The following CACNA1G variants were observed in gnomAD, a reference collection of about 807,000 sequenced individuals.
The protein encoded by CACNA1G is voltage-dependent T-type calcium channel subunit alpha-1G.
CACNA1G carries 67 observed loss-of-function variants against 219.4 expected under a neutral mutation model. The ratio of observed to expected loss-of-function variants is 0.31; its 90% confidence interval spans 0.25 to 0.37. The LOEUF (loss-of-function observed/expected upper bound fraction) is 0.37, where lower values mean the gene tolerates loss of function less well. Among genes scored for constraint, CACNA1G ranks in the 10% least tolerant of loss-of-function variants. The pLI, the probability that CACNA1G is intolerant of heterozygous loss-of-function variation, is 1.00. For synonymous variants in CACNA1G, 1,296 were observed against 1,345.3 expected, an observed-to-expected ratio of 0.96 and a Z score of 0.80; for missense variants, 2,380 against 3,231.4, an observed-to-expected ratio of 0.74 and a Z score of 6.39.
intron 26 of CACNA1G, 29 bp downstream of exon 26, chr17:50,609,964 G>A (rs375808858): frequency 3.6e-5 from 58 of 1,595,522 alleles, no homozygotes; most frequent in Non-Finnish European, 4.3e-5. Flanking sequence ...GGGCTCATGC[G>A]TGTGGGGACA....
At chr17:50,589,890 A>G (rs1265606027) in intron 9 of CACNA1G, among the ~76,000 whole-genome samples, 1 of 87,056 alleles carries the variant, frequency 1.1e-5, no homozygotes, top group African/African-American at 6.1e-5. Context: ...GAATGCGTGC[A>G]TTTTTCTCTC....
chr17:50,589,443 G>A (rs541400296), intron 9 of CACNA1G, among the ~76,000 whole-genome samples: 8 of 152,156 alleles, frequency 5.3e-5, no homozygotes, highest in East Asian at 1.9e-4. Context: ...TTATTCAGCC[G>A]TTTTGTGTGT....
Position 50,596,786 on chromosome 17 carries a change from A to G in CACNA1G, c.3121A>G (p.Ile1041Val), listed in dbSNP as rs773040639. Reference protein sequence around the residue: ...LRKSLLPPLIIHTAATPMSLP... With the variant: ...LRKSLLPPLIVHTAATPMSLP... ...GAAGAGCCTGCTGCCGCCTCTCATCATCCACACGGCCGCCACACCCATGTC... is the reference window on the plus strand; with the variant it reads ...GAAGAGCCTGCTGCCGCCTCTCATCGTCCACACGGCCGCCACACCCATGTC... The change falls in exon 16 of 38, where the codon ATC becomes GTC. Residue 1041 changes from isoleucine (I) to valine (V), a missense_variant. Coordinates refer to ENST00000359106, the MANE Select transcript of CACNA1G (RefSeq NM_018896.5). This position sits in a 1 kb window ranked among gnomAD's most constrained non-coding sequence, Gnocchi z 4.8. The G allele has an allele frequency of 6.2e-7, 1 of 1,611,736 alleles. No homozygotes were observed.
Position 50,619,283 on chromosome 17 carries a change from G to A in CACNA1G, c.5781+275G>A, listed in dbSNP as rs139344064. On this transcript the variant is annotated intron_variant, in intron 33 of 37. Coordinates refer to ENST00000359106, the MANE Select transcript of CACNA1G (RefSeq NM_018896.5). The stretch of plus-strand genomic sequence containing the variant: ...TCCCCTTCCTGACTCATAGGTTCAA[G>A]GCTAAGTTTTCTGTTTCCTTCCTGT... Among the ~76,000 whole-genome samples, 357 of 152,300 alleles carry A rather than the reference G, an allele frequency of 2.3e-3. 3 individuals carry two copies. Among genetic ancestry groups the A allele is most frequent in the African/African-American group, 8.4e-3 (351 of 41,562 alleles).
chr17:50,619,444 A>C (rs1455934500), intron 33 of CACNA1G, among the ~76,000 whole-genome samples: 1 of 148,974 alleles, frequency 6.7e-6, no homozygotes, highest in Non-Finnish European at 1.5e-5. Flanking sequence ...GGCTCTGCTC[A>C]TTTTCCATCT....
At chr17:50,613,792 T>C (rs2049799965) in intron 26 of CACNA1G, among the ~76,000 whole-genome samples, 2 of 152,186 alleles carry the variant, frequency 1.3e-5, no homozygotes, top group East Asian at 3.9e-4. Context: ...CTGGTTCTTG[T>C]GGTACTCAAG....
intron 9 of CACNA1G, among the ~76,000 whole-genome samples, chr17:50,589,991 G>A (rs2043924594): frequency 6.6e-6 from 1 of 151,698 alleles, no homozygotes; most frequent in African/African-American, 2.4e-5. Context: ...CCAAGAGAAA[G>A]CTGCCAAGTC....
intron 1 of CACNA1G, 91 bp downstream of exon 1, chr17:50,561,792 GGTGAGTCGAA>G: frequency 7.9e-7 from 1 of 1,270,114 alleles, no homozygotes. Flanking sequence ...CCCACCGCCA[GGTGAGTCGAA>G]GTGAGCCCGG....
chr17:50,561,632 C>A lies in CACNA1G; in HGVS notation c.173C>A (p.Pro58Gln). The change falls in exon 1 of 38, where the codon CCG (proline) becomes CAG (glutamine). Residue 58 changes from proline (P) to glutamine (Q), a missense_variant. Physicochemically the swap from Pro to Gln is moderately conservative, Grantham distance 76. Transcript: ENST00000359106. Reference sequence around the variant, plus strand: ...GGGCTGCCGTACCCGGCGCTGGCCCCGGTGGTTTTCTTCTACTTGAGCCAG... The same window carrying A: ...GGGCTGCCGTACCCGGCGCTGGCCCAGGTGGTTTTCTTCTACTTGAGCCAG... ...AEGLPYPALAPVVFFYLSQDS... is the reference protein window; with the variant it reads ...AEGLPYPALAQVVFFYLSQDS... 6.2e-7 allele frequency: 1 copy of A among 1,604,000 alleles called. No homozygotes were observed.
At position 50,561,518 on chromosome 17, in the gene CACNA1G, T is replaced by C; in HGVS notation, c.59T>C (p.Met20Thr). 2.0e-6 allele frequency: 3 copies of C among 1,536,926 alleles called. No individual in the cohort carries two copies. Among genetic ancestry groups the C allele is most frequent in the South Asian group, 1.2e-5 (1 of 84,002 alleles). Residue 20 changes from methionine (M) to threonine (T), a missense_variant, in exon 1 of 38, where the codon ATG becomes ACG. Physicochemically the swap from Met to Thr is moderately conservative, Grantham distance 81. Coordinates refer to ENST00000359106, the MANE Select transcript of CACNA1G (RefSeq NM_018896.5). ...AEESGQPRSFMRLNDLSGAGG... is the reference protein window; with the variant it reads ...AEESGQPRSFTRLNDLSGAGG... ...GAGTCGGGACAGCCCCGGAGCTTCA[T>C]GCGGCTCAACGACCTGTCGGGGGCC...
At chr17:50,592,330 G>T (rs1368287159) in intron 13 of CACNA1G, among the ~76,000 whole-genome samples, 1 of 152,180 alleles carries the variant, frequency 6.6e-6, no homozygotes, top group South Asian at 2.1e-4. Flanking sequence ...CTTAGCTACC[G>T]AGTAGACATC....
chr17:50,594,542 G>A (rs2045090333), intron 13 of CACNA1G, among the ~76,000 whole-genome samples: 1 of 152,112 alleles, frequency 6.6e-6, no homozygotes, highest in Non-Finnish European at 1.5e-5. Flanking sequence ...CGGGTTCCAG[G>A]CCCAGATCCA....
chr17:50,608,218 T>C (rs1371193458), intron 25 of CACNA1G, among the ~76,000 whole-genome samples, 199 bp downstream of exon 25: 6 of 151,908 alleles, frequency 3.9e-5, no homozygotes, highest in Admixed American at 3.3e-4. Flanking sequence ...TTCAGCCCCA[T>C]GGGTAGGGGG....
At chr17:50,590,379 G>A in intron 9 of CACNA1G, 92 bp from the exon 10 acceptor site, 1 of 1,404,478 alleles carries the variant, frequency 7.1e-7, no homozygotes, top group East Asian at 2.3e-5. Context: ...TGCTATTCCT[G>A]CTCCTCCTCT....
chr17:50,607,217 A>G, intron 24 of CACNA1G: 2 of 569,686 alleles, frequency 3.5e-6, no homozygotes, highest in South Asian at 3.6e-5. Flanking sequence ...AAACTGGTGA[A>G]TTTGGGCTGT....
Position 50,576,010 on chromosome 17 carries a change from A to G in CACNA1G, c.1608A>G (p.Pro536=), listed in dbSNP as rs545062312. ...GGTCCCGCCGGCTCATGCTGCCACC[A>G]CCCTCGACGCCTGCCCTCTCCGGGG... ...ANGSRRLMLP[P]PSTPALSGAP... is the part of the protein sequence containing the mutation. The change falls in exon 8 of 38, where the codon CCA becomes CCG. Residue 536 remains proline (P), a synonymous_variant. Coordinates refer to ENST00000359106, the MANE Select transcript of CACNA1G (RefSeq NM_018896.5). 443 of 1,558,416 alleles carry G rather than the reference A, an allele frequency of 2.8e-4. No individual in the cohort carries two copies. The highest frequency in any genetic ancestry group is 1.1e-3 in the East Asian group (44 of 41,340).
Position 50,578,135 on chromosome 17 carries a change from G to A in CACNA1G, c.1925-53G>A, listed in dbSNP as rs8071006. On this transcript the variant is annotated intron_variant, in intron 8 of 37. Transcript: ENST00000359106. The surrounding 1 kb of genome is among the most constrained non-coding windows in gnomAD (Gnocchi z 4.5). ...ATTTTACACATACTCACAGGGCAGG[G>A]TAGCCCCAGGTACGAGACTCTGGAG... 8 of 1,497,898 alleles carry A rather than the reference G, an allele frequency of 5.3e-6. No individual in the cohort carries two copies. The highest frequency in any genetic ancestry group is 7.1e-6 in the Non-Finnish European group (8 of 1,128,398). 92.8% of individuals were successfully genotyped at this position (1,497,898 alleles called of 1,614,324 possible).
At chr17:50,585,414 G>C (rs758413021) in intron 9 of CACNA1G, among the ~76,000 whole-genome samples, 1 of 152,184 alleles carries the variant, frequency 6.6e-6, no homozygotes, top group African/African-American at 2.4e-5. Context: ...GTTTACTTTT[G>C]AGGGCTTCGG....
In CACNA1G at chr17:50,595,056, CA is replaced by C; in HGVS notation, c.2975del (p.Gln992ArgfsTer92). ...CTGTATTCAGCTGCCTGTCGACTCCCAGGGGGTAGGTACGCGATCATGAGCC... is the reference window on the plus strand; with the variant it reads ...CTGTATTCAGCTGCCTGTCGACTCCCGGGGGTAGGTACGCGATCATGAGCC... ...LSCIQLPVDSQGGDANKSESE... is the reference protein window; with the variant it reads ...LSCIQLPVDSXGGDANKSESE... On this transcript the variant is annotated frameshift_variant, in exon 14 of 38. Coordinates refer to ENST00000359106, the MANE Select transcript of CACNA1G (RefSeq NM_018896.5). LOFTEE classifies it high-confidence loss of function. The C allele has an allele frequency of 6.4e-7, 1 of 1,553,222 alleles. No homozygotes were observed. Among genetic ancestry groups the C allele is most frequent in the Non-Finnish European group, 8.7e-7 (1 of 1,147,860 alleles).
Sources: gnomAD v4.1 joint callset for allele counts (sites outside exome capture counted in the v4.1 genomes callset) on GRCh38, gnomAD v4.1.1 for gene constraint, Gnocchi (gnomAD v3.1) non-coding constraint, MANE v1.5 for transcripts, NCBI Gene and HGNC (gene_info 2026-07-23, HGNC 2026-07-21) for gene names.